The following LRP1 variants were observed in gnomAD, a reference collection of about 807,000 sequenced individuals.
LRP1 encodes the protein prolow-density lipoprotein receptor-related protein 1.
In LRP1, 51 loss-of-function variants were observed where a neutral mutation model predicts 541.5. The observed-to-expected ratio is 0.09, with a 90% CI of 0.08 to 0.12. The LOEUF is 0.12. Ranked by LOEUF, LRP1 falls within the 10% of genes least tolerant of loss-of-function variation. The probability of loss-of-function intolerance (pLI) is 1.00; values close to 1 mark genes in which losing one functional copy is unlikely to be tolerated. For missense variants in LRP1, 3,878 were observed against 6,376.2 expected, an observed-to-expected ratio of 0.61 and a Z score of 13.34; for synonymous variants, 2,219 against 2,470.8, an observed-to-expected ratio of 0.90 and a Z score of 3.02.
intron 20 of LRP1, among the ~76,000 whole-genome samples, chr12:57,171,509 C>A (rs2035943755): frequency 6.6e-6 from 1 of 152,070 alleles, no homozygotes; most frequent in Non-Finnish European, 1.5e-5. Flanking sequence ...TGAGGCTGTC[C>A]TCAAAGGGGG....
chr12:57,151,763 ATG>A (rs142491640), intron 6 of LRP1, among the ~76,000 whole-genome samples: 1 of 151,668 alleles, frequency 6.6e-6, no homozygotes, highest in Non-Finnish European at 1.5e-5. Context: ...GGCCAAGTGT[ATG>A]TGTGTGTGTG....
chr12:57,167,327 C>T (rs2035859473), intron 18 of LRP1, 117 bp from the exon 19 acceptor site: 2 of 785,328 alleles, frequency 2.5e-6, no homozygotes, highest in African/African-American at 1.7e-5. Flanking sequence ...CCTTCCCCAC[C>T]CTTCCTGACT....
At chr12:57,133,611 GT>G (rs2136649056) in intron 1 of LRP1, among the ~76,000 whole-genome samples, 1 of 148,668 alleles carries the variant, frequency 6.7e-6, no homozygotes, top group South Asian at 2.2e-4. Flanking sequence ...TGCAGGCTCT[GT>G]CCCCGCGCCG....
In LRP1 at chr12:57,154,856, C is replaced by G; in HGVS notation, c.1227+155C>G. ...AGTGGGAGTGGGGTGGGCTTGAATA[C>G]TGCAGAGAAAGGACAAGATACGGGT... On this transcript the variant is annotated intron_variant, in intron 8 of 88. Transcript: ENST00000243077. This position sits in a 1 kb window ranked among gnomAD's most constrained non-coding sequence, Gnocchi z 4.6. The G allele has an allele frequency of 1.4e-6, 1 of 693,070 alleles. No individual in the cohort carries two copies. Among genetic ancestry groups the G allele is most frequent in the Non-Finnish European group, 2.6e-6 (1 of 390,832 alleles). 42.9% of individuals were successfully genotyped at this position (693,070 alleles called of 1,614,324 possible). A position where few individuals can be genotyped will look rare whatever the true frequency, so the allele number is the denominator to read the frequency against.
At position 57,204,337 on chromosome 12, in the gene LRP1, AC is replaced by A; in HGVS notation, c.10952-68del. 2 of 1,450,648 alleles carry A rather than the reference AC, an allele frequency of 1.4e-6. No individual in the cohort carries two copies. Among genetic ancestry groups the A allele is most frequent in the Non-Finnish European group, 9.1e-7 (1 of 1,096,142 alleles). 89.9% of individuals were successfully genotyped at this position (1,450,648 alleles called of 1,614,324 possible). On this transcript the variant is annotated intron_variant, in intron 70 of 88. Coordinates refer to ENST00000243077, the MANE Select transcript of LRP1 (RefSeq NM_002332.3). The surrounding 1 kb of genome is among the most constrained non-coding windows in gnomAD (Gnocchi z 5.3). ...GCCTGGTGACCCCTCTGAGCCTGGA[AC>A]CCCCACCTGTGGAGACAGGGGTCTG...
Position 57,173,405 on chromosome 12 carries a change from C to A in LRP1, c.3346+55C>A. 4 of 1,563,140 alleles carry A rather than the reference C, an allele frequency of 2.6e-6. No homozygotes were observed. The highest frequency in any genetic ancestry group is 3.5e-6 in the Non-Finnish European group (4 of 1,143,924). ...ACAGCACAATGTGGGCAGGAGGAGA[C>A]CGTGTTGAGAGCAGAGTAGCGGCAA... On this transcript the variant is annotated intron_variant, in intron 21 of 88. Transcript: ENST00000243077. The surrounding 1 kb of genome is among the most constrained non-coding windows in gnomAD (Gnocchi z 4.7).
rs777247049 is a variant in LRP1, at chr12:57,150,325, A to G, written c.842-3883A>G. Among the ~76,000 whole-genome samples, 7 of 150,824 alleles carry G rather than the reference A, an allele frequency of 4.6e-5. 1 individual carries two copies. The South Asian group carries it at 8.3e-4, about 18-fold the overall frequency. On this transcript the variant is annotated intron_variant, in intron 6 of 88. Coordinates refer to ENST00000243077, the MANE Select transcript of LRP1 (RefSeq NM_002332.3). ...TTCTGCCTCAGGCTCCCGAGTAGCT[A>G]GGACTACAGGTGCCCGCCACCACGC... is the stretch of plus-strand genomic sequence containing the variant.
rs759342524 is a variant in LRP1, at chr12:57,204,581, C to A, written c.11072-46C>A. 4 of 1,609,950 alleles carry A rather than the reference C, an allele frequency of 2.5e-6. No homozygotes were observed. In the East Asian group the frequency reaches 8.9e-5, roughly 36 times the overall value. On this transcript the variant is annotated intron_variant, in intron 71 of 88. Coordinates refer to ENST00000243077, the MANE Select transcript of LRP1 (RefSeq NM_002332.3). The surrounding 1 kb of genome is among the most constrained non-coding windows in gnomAD (Gnocchi z 5.3). ...CTTCCCAGTGGCCAGCAACCACCCC[C>A]ACTCCCAAGACTAATTCTGGCTCTG...
intron 13 of LRP1, among the ~76,000 whole-genome samples, chr12:57,161,970 A>AGT (rs377613953): frequency 5.3e-5 from 8 of 151,334 alleles, no homozygotes; most frequent in Non-Finnish European, 2.9e-5. Flanking sequence ...TCTGCTCATT[A>AGT]GTGTGTGTGT....
At position 57,211,626 on chromosome 12, in the gene LRP1, C is replaced by G; in HGVS notation, c.13193+38C>G. Reference sequence around the variant, plus strand: ...CGGGCTTCACCCAGGCATAGATCATCGCTCCCTTCCCCAGATTTGAGCAGG... The same window carrying G: ...CGGGCTTCACCCAGGCATAGATCATGGCTCCCTTCCCCAGATTTGAGCAGG... On this transcript the variant is annotated intron_variant, in intron 85 of 88. Transcript: ENST00000243077. The surrounding 1 kb of genome is among the most constrained non-coding windows in gnomAD (Gnocchi z 4.3). The G allele has an allele frequency of 1.2e-6, 2 of 1,607,418 alleles. No homozygotes were observed. The highest frequency in any genetic ancestry group is 1.7e-6 in the Non-Finnish European group (2 of 1,174,072).
chr12:57,208,692 ACC>A lies in LRP1; in HGVS notation c.12039-16_12039-15del. The stretch of plus-strand genomic sequence containing the variant: ...CTGGCCCTCCGGCCTGCCCACACTC[ACC>A]CCTTCTCCCTCCCCAGGACCATGTA... On this transcript the variant is annotated splice_polypyrimidine_tract_variant and intron_variant, in intron 77 of 88. Coordinates refer to ENST00000243077, the MANE Select transcript of LRP1 (RefSeq NM_002332.3). 1.9e-6 allele frequency: 3 copies of A among 1,557,604 alleles called. No homozygotes were observed.
At position 57,209,737 on chromosome 12, in the gene LRP1, A is replaced by T. The variant is rs762033910; in HGVS notation, c.12308A>T (p.Tyr4103Phe). 5.6e-6 allele frequency: 9 copies of T among 1,614,188 alleles called. No homozygotes were observed. Among genetic ancestry groups the T allele is most frequent in the Middle Eastern group, 1.6e-4 (1 of 6,062 alleles). ...ATCGACGTCTTTGAGGATTACATCT[A>T]TGGTGTCACCTACATCAATAATCGT... ...FSIDVFEDYI[Y>F]GVTYINNRVF... The change falls in exon 80 of 89, where the codon TAT becomes TTT. Residue 4103 changes from tyrosine (Y) to phenylalanine (F), a missense_variant. Tyr to Phe is a conservative substitution (Grantham distance 22). Transcript: ENST00000243077.
intron 20 of LRP1, among the ~76,000 whole-genome samples, chr12:57,169,607 G>C (rs572887505): frequency 3.3e-5 from 5 of 152,350 alleles, no homozygotes; most frequent in Non-Finnish European, 7.3e-5. Context: ...ATCTCCATGG[G>C]CCTCTGTGAG....
In LRP1 at chr12:57,178,349, A is replaced by G. The variant is rs2036091846; in HGVS notation, c.4362-10A>G. 6.2e-7 allele frequency: 1 copy of G among 1,609,818 alleles called. No homozygotes were observed. The highest frequency in any genetic ancestry group is 8.5e-7 in the Non-Finnish European group (1 of 1,176,806). On this transcript the variant is annotated splice_polypyrimidine_tract_variant and intron_variant, in intron 26 of 88. Transcript: ENST00000243077. This position sits in a 1 kb window ranked among gnomAD's most constrained non-coding sequence, Gnocchi z 5.8. ...GCTGGCATCCTCATTCTGCTCCATCATGCTCTTAGGTCAGATGCCATTTAC... is the reference window on the plus strand; with the variant it reads ...GCTGGCATCCTCATTCTGCTCCATCGTGCTCTTAGGTCAGATGCCATTTAC...
At chr12:57,200,234 A>AC (rs1174207660) in intron 62 of LRP1, 1 of 635,690 alleles carries the variant, frequency 1.6e-6, no homozygotes, top group Non-Finnish European at 2.8e-6. Context: ...CCTAACCTTG[A>AC]CCCTCCTTGC....
In LRP1 at chr12:57,205,635, G is replaced by T; in HGVS notation, c.11548G>T (p.Ala3850Ser). 1 of 1,613,306 alleles carries T rather than the reference G, an allele frequency of 6.2e-7. No homozygotes were observed. The highest frequency in any genetic ancestry group is 8.5e-7 in the Non-Finnish European group (1 of 1,180,022). Reference protein sequence around the residue: ...NTKGGHLCSCARNFMKTHNTC... With the variant: ...NTKGGHLCSCSRNFMKTHNTC... ...CAAGGGCGGCCACCTCTGCAGCTGCGCTCGGAACTTCATGAAGACGCACAA... is the reference window on the plus strand; with the variant it reads ...CAAGGGCGGCCACCTCTGCAGCTGCTCTCGGAACTTCATGAAGACGCACAA... The change falls in exon 75 of 89, where the codon GCT becomes TCT. Residue 3850 changes from alanine (A) to serine (S), a missense_variant. Physicochemically the swap from Ala to Ser is moderately conservative, Grantham distance 99. Coordinates refer to ENST00000243077, the MANE Select transcript of LRP1 (RefSeq NM_002332.3). This position sits in a 1 kb window ranked among gnomAD's most constrained non-coding sequence, Gnocchi z 4.6.
Position 57,196,172 on chromosome 12 carries a change from C to T in LRP1, c.8787C>T (p.Asp2929=), listed in dbSNP as rs2036528646. The stretch of plus-strand genomic sequence containing the variant: ...CACTGCTCTGCAACGGCCAGGATGA[C>T]TGTGGCGACAGCTCGGACGAGCGTG... ...AEALLCNGQD[D]CGDSSDERGC... Residue 2929 remains aspartate, a synonymous_variant, in exon 55 of 89, where the codon GAC becomes GAT. Coordinates refer to ENST00000243077, the MANE Select transcript of LRP1 (RefSeq NM_002332.3). 1 of 1,612,800 alleles carries T rather than the reference C, an allele frequency of 6.2e-7. No homozygotes were observed. The highest frequency in any genetic ancestry group is 1.3e-5 in the African/African-American group (1 of 74,934).
At chr12:57,137,841 C>A (rs530452314) in intron 1 of LRP1, among the ~76,000 whole-genome samples, 2 of 152,080 alleles carry the variant, frequency 1.3e-5, no homozygotes, top group East Asian at 1.9e-4. Context: ...AGGCTCTCTA[C>A]CCTGCCCATT....
chr12:57,192,973 G>A lies in LRP1; in HGVS notation c.7555+3G>A, dbSNP rs754735849. The A allele has an allele frequency of 6.2e-7, 1 of 1,612,482 alleles. No homozygotes were observed. Among genetic ancestry groups the A allele is most frequent in the Non-Finnish European group, 8.5e-7 (1 of 1,179,828 alleles). On this transcript the variant is annotated splice_donor_region_variant and intron_variant, in intron 45 of 88. Transcript: ENST00000243077. ...CCAGGATGACCTCACCTGCCGAGGT[G>A]AGAGAGGCGGGGGGGAGGGGCTGGC...
Sources: gnomAD v4.1 joint callset for allele counts (sites outside exome capture counted in the v4.1 genomes callset) on GRCh38, gnomAD v4.1.1 for gene constraint, Gnocchi (gnomAD v3.1) non-coding constraint, MANE v1.5 for transcripts, NCBI Gene and HGNC (gene_info 2026-07-23, HGNC 2026-07-21) for gene names.